Variants in ERC2 observed in about 807,000 individuals in gnomAD.
ERC2 encodes ERC protein 2.
A neutral mutation model predicts 114.8 loss-of-function variants in ERC2; 42 were observed. The ratio of observed to expected loss-of-function variants is 0.37; its 90% CI spans 0.29 to 0.47. The LOEUF (loss-of-function observed/expected upper bound fraction) is 0.47. ERC2 is among the 20% of genes least tolerant of loss of function. The probability of loss-of-function intolerance (pLI) is 0.99; values close to 1 mark genes in which losing one functional copy is unlikely to be tolerated. For missense variants in ERC2, 939 were observed against 1,150.7 expected, an observed-to-expected ratio of 0.82 and a Z score of 2.66; for synonymous variants, 454 against 425.5, an observed-to-expected ratio of 1.07 and a Z score of -0.82.
chr3:56,441,381 C>T (rs1254822990), intron 1 of ERC2, among the ~76,000 whole-genome samples: 1 of 152,118 alleles, frequency 6.6e-6, no homozygotes, highest in African/African-American at 2.4e-5. Flanking sequence ...CCCACTGAAT[C>T]AGGTGGGAAG....
chr3:56,024,354 C>T (rs577919705), intron 7 of ERC2, among the ~76,000 whole-genome samples: 3 of 152,310 alleles, frequency 2.0e-5, no homozygotes, highest in South Asian at 2.1e-4. Context: ...GGCCGCAGCA[C>T]CCAACTGTGT....
intron 17 of ERC2, among the ~76,000 whole-genome samples, chr3:55,562,043 G>C (rs2056059453): frequency 6.6e-6 from 1 of 152,234 alleles, no homozygotes; most frequent in Non-Finnish European, 1.5e-5. Flanking sequence ...AAGTGAAGAA[G>C]AAAATACAGC....
chr3:56,346,536 T>G (rs1374393164), intron 2 of ERC2, among the ~76,000 whole-genome samples: 1 of 152,176 alleles, frequency 6.6e-6, no homozygotes. Flanking sequence ...AAATTTACAC[T>G]AGAGAAGGGG....
intron 15 of ERC2, among the ~76,000 whole-genome samples, chr3:55,728,100 T>G (rs1397686668): frequency 6.6e-6 from 1 of 152,200 alleles, no homozygotes; most frequent in Non-Finnish European, 1.5e-5. Context: ...CCATCATGAT[T>G]TATTCATTCA....
At chr3:56,336,366 C>T (rs1415667737) in intron 2 of ERC2, among the ~76,000 whole-genome samples, 1 of 152,194 alleles carries the variant, frequency 6.6e-6, no homozygotes, top group Non-Finnish European at 1.5e-5. Flanking sequence ...GCAGCAGGGG[C>T]CTAATCACAC....
At chr3:55,749,255 C>A (rs995304404) in intron 14 of ERC2, among the ~76,000 whole-genome samples, 5 of 152,196 alleles carry the variant, frequency 3.3e-5, no homozygotes, top group Non-Finnish European at 7.3e-5. Context: ...CCACTCCCTG[C>A]AATACCGATC....
intron 3 of ERC2, among the ~76,000 whole-genome samples, chr3:56,191,356 T>C (rs754330610): frequency 6.6e-6 from 1 of 152,148 alleles, no homozygotes; most frequent in Non-Finnish European, 1.5e-5. Flanking sequence ...GTCTCTGACC[T>C]AGCTCCCCAG....
At chr3:55,673,557 C>T (rs536707868) in intron 17 of ERC2, among the ~76,000 whole-genome samples, 19 of 151,638 alleles carry the variant, frequency 1.3e-4, no homozygotes, top group African/African-American at 3.9e-4. Context: ...CACTCTAGCC[C>T]GGTGACAAAG....
At chr3:55,670,958 T>C (rs2061534884) in intron 17 of ERC2, among the ~76,000 whole-genome samples, 1 of 152,156 alleles carries the variant, frequency 6.6e-6, no homozygotes, top group African/African-American at 2.4e-5. Flanking sequence ...TCTGGCTGCT[T>C]TTGCATGGCA....
At chr3:56,160,725 T>C (rs2081998540) in intron 4 of ERC2, among the ~76,000 whole-genome samples, 4 of 152,226 alleles carry the variant, frequency 2.6e-5, no homozygotes, top group Admixed American at 2.6e-4. Context: ...GCACCATTTA[T>C]TAAATAGGAA....
At chr3:55,621,594 G>T (rs2059331741) in intron 17 of ERC2, among the ~76,000 whole-genome samples, 1 of 152,152 alleles carries the variant, frequency 6.6e-6, no homozygotes, top group African/African-American at 2.4e-5. Context: ...TGGAGACACA[G>T]ACACCTTGAT....
intron 14 of ERC2, among the ~76,000 whole-genome samples, chr3:55,809,396 A>T (rs1228496305): frequency 2.6e-5 from 4 of 152,146 alleles, no homozygotes; most frequent in African/African-American, 9.6e-5. Flanking sequence ...GACTACATTA[A>T]ACTAAAAAGC....
At chr3:55,594,104 C>G (rs1037537094) in intron 17 of ERC2, among the ~76,000 whole-genome samples, 1 of 152,174 alleles carries the variant, frequency 6.6e-6, no homozygotes, top group Non-Finnish European at 1.5e-5. Context: ...TTTTTCCCCA[C>G]CCTTGCTGTT....
chr3:56,175,976 T>C (rs1330150516), intron 3 of ERC2, among the ~76,000 whole-genome samples: 2 of 152,170 alleles, frequency 1.3e-5, no homozygotes, highest in Admixed American at 6.5e-5. Flanking sequence ...CAACACAGCA[T>C]TGGGTGGATC....
intron 17 of ERC2, among the ~76,000 whole-genome samples, chr3:55,539,569 C>G (rs935033614): frequency 4.0e-5 from 6 of 151,378 alleles, no homozygotes; most frequent in Admixed American, 3.9e-4. Flanking sequence ...ACTACAGACG[C>G]CTGCCACCAT....
At chr3:56,110,296 T>C (rs1415019968) in intron 6 of ERC2, among the ~76,000 whole-genome samples, 1 of 152,140 alleles carries the variant, frequency 6.6e-6, no homozygotes, top group Non-Finnish European at 1.5e-5. Flanking sequence ...GCCATAAAAG[T>C]GGTTATACCC....
chr3:55,960,407 C>T (rs1471240806), intron 12 of ERC2, among the ~76,000 whole-genome samples: 1 of 152,064 alleles, frequency 6.6e-6, no homozygotes, highest in Non-Finnish European at 1.5e-5. Flanking sequence ...TCTCCACAGC[C>T]ACCACTCCTC....
chr3:55,729,655 G>A (rs943534255), intron 15 of ERC2, among the ~76,000 whole-genome samples: 19 of 151,410 alleles, frequency 1.3e-4, no homozygotes, highest in African/African-American at 3.2e-4. Context: ...CTGACCTAGC[G>A]AGACCTTGTC....
At chr3:56,179,912 T>C (rs2083199206) in intron 3 of ERC2, among the ~76,000 whole-genome samples, 2 of 152,012 alleles carry the variant, frequency 1.3e-5, no homozygotes, top group African/African-American at 4.8e-5. Flanking sequence ...GAATAGACAG[T>C]ATTTAAAACC....
Sources: allele counts gnomAD v4.1 joint callset (sites outside exome capture counted in the v4.1 genomes callset), GRCh38; gene constraint gnomAD v4.1.1; transcripts MANE v1.5; gene names NCBI Gene and HGNC (gene_info 2026-07-23, HGNC 2026-07-21).